CCDC3: variants seen among roughly 807,000 people sequenced by gnomAD.
CCDC3 encodes the protein coiled-coil domain containing 3, also known as coiled-coil domain-containing protein 3.
Under a neutral mutation model 21.4 loss-of-function variants are expected in CCDC3, and 24 were observed. The ratio of observed to expected loss-of-function variants is 1.12; its 90% confidence interval spans 0.81 to 1.58. The LOEUF is 1.58. Among genes scored for constraint, CCDC3 ranks in the 40% most tolerant of loss-of-function variants. The probability of loss-of-function intolerance (pLI) is 0.00; values close to 1 mark genes in which losing one functional copy is unlikely to be tolerated. For synonymous variants in CCDC3, 186 were observed against 166.0 expected (o/e 1.12, Z -0.93); for missense variants, 425 against 360.9 (o/e 1.18, Z -1.44).
At chr10:13,093,773 A>C (rs1232882088) in intron 3 of CCDC3, among the ~76,000 whole-genome samples, 1 of 152,190 alleles carries the variant, frequency 6.6e-6, no homozygotes, top group Non-Finnish European at 1.5e-5. Context: ...TTTGGAAAAA[A>C]AATAAGTGAG....
intron 4 of CCDC3, among the ~76,000 whole-genome samples, chr10:13,059,786 A>G (rs181897212): frequency 1.3e-5 from 2 of 152,116 alleles, no homozygotes; most frequent in Admixed American, 1.3e-4. Flanking sequence ...TAAAATCCCA[A>G]CCTTTAAAAA....
chr10:12,965,007 C>T (rs1283520308), intron 2 of CCDC3, among the ~76,000 whole-genome samples: 1 of 152,222 alleles, frequency 6.6e-6, no homozygotes, highest in Non-Finnish European at 1.5e-5. Flanking sequence ...GCTCAGTTGT[C>T]GTCAGTACCC....
At chr10:13,040,147 GGACGT>G (rs2131417413) in intron 5 of CCDC3, among the ~76,000 whole-genome samples, 2 of 152,192 alleles carry the variant, frequency 1.3e-5, no homozygotes, top group East Asian at 3.9e-4. Context: ...GGCATGAGAG[GGACGT>G]CTCAGAAGCT....
At chr10:12,958,237 C>T (rs1035093227) in intron 2 of CCDC3, among the ~76,000 whole-genome samples, 4 of 152,172 alleles carry the variant, frequency 2.6e-5, no homozygotes, top group African/African-American at 9.7e-5. Context: ...ACCCAACAAC[C>T]CAAGACCATG....
chr10:13,089,670 A>C (rs986646774), intron 3 of CCDC3, among the ~76,000 whole-genome samples: 4 of 150,908 alleles, frequency 2.7e-5, no homozygotes, highest in African/African-American at 9.7e-5. Flanking sequence ...CCATTTTTTT[A>C]AATTTAAATT....
At chr10:13,090,087 C>T (rs1253345264) in intron 3 of CCDC3, among the ~76,000 whole-genome samples, 2 of 117,904 alleles carry the variant, frequency 1.7e-5, no homozygotes, top group Admixed American at 1.7e-4. Context: ...ATCACCGTTT[C>T]TTTCTTTTTT....
intron 5 of CCDC3, among the ~76,000 whole-genome samples, chr10:13,032,993 T>G (rs960642899): frequency 5.3e-5 from 8 of 152,160 alleles, no homozygotes; most frequent in African/African-American, 9.7e-5. Context: ...AAAAACTACT[T>G]TAAAGTTCAT....
intron 2 of CCDC3, among the ~76,000 whole-genome samples, chr10:12,976,921 G>A (rs1467242674): frequency 2.0e-5 from 3 of 152,142 alleles, no homozygotes; most frequent in Non-Finnish European, 4.4e-5. Flanking sequence ...CTAGATTATG[G>A]TATTGACAGA....
At chr10:13,075,252 C>A (rs1444010410) in intron 3 of CCDC3, among the ~76,000 whole-genome samples, 1 of 152,172 alleles carries the variant, frequency 6.6e-6, no homozygotes, top group African/African-American at 2.4e-5. Flanking sequence ...GTTTAACAAG[C>A]AATAAACAAC....
At chr10:12,971,664 A>C (rs1233161077) in intron 2 of CCDC3, among the ~76,000 whole-genome samples, 1 of 151,990 alleles carries the variant, frequency 6.6e-6, no homozygotes, top group Non-Finnish European at 1.5e-5. Context: ...TTCTGGTCCC[A>C]CCAGTGCCCA....
At chr10:13,003,237 A>G (rs572389782), upstream of CCDC3, among the ~76,000 whole-genome samples, 2 of 152,350 alleles carry the variant, frequency 1.3e-5, no homozygotes, top group East Asian at 3.9e-4. Context: ...GTCATTGTTG[A>G]CCATGGGCCA....
intron 5 of CCDC3, among the ~76,000 whole-genome samples, chr10:13,013,363 A>G (rs1175880878): frequency 6.6e-6 from 1 of 152,278 alleles, no homozygotes; most frequent in Non-Finnish European, 1.5e-5. Flanking sequence ...GAACTGGGAA[A>G]TATCTCACAC....
intron 2 of CCDC3, among the ~76,000 whole-genome samples, chr10:12,997,244 A>G (rs1297660363): frequency 0.062 from 90 of 1,462 alleles, 2 homozygotes; most frequent in Admixed American, 0.086. Context: ...CGTTAATGGA[A>G]AAAAAAAAAA....
intron 2 of CCDC3, among the ~76,000 whole-genome samples, chr10:12,980,714 A>T (rs1422587336): frequency 6.6e-6 from 1 of 152,136 alleles, no homozygotes; most frequent in Non-Finnish European, 1.5e-5. Flanking sequence ...CTTTATGGCC[A>T]TAGATCCTAT....
At chr10:12,987,772 C>A (rs1179548764) in intron 2 of CCDC3, among the ~76,000 whole-genome samples, 1 of 152,154 alleles carries the variant, frequency 6.6e-6, no homozygotes, top group Admixed American at 6.5e-5. Context: ...TGACACAGAG[C>A]AAATGTCTTA....
intron 5 of CCDC3, among the ~76,000 whole-genome samples, chr10:13,037,509 C>G (rs996253515): frequency 1.2e-4 from 19 of 152,242 alleles, no homozygotes; most frequent in African/African-American, 4.6e-4. Flanking sequence ...TTATATTTTT[C>G]TCACTAGAAT....
At chr10:13,090,067 A>ACCG (rs1372347475) in intron 3 of CCDC3, among the ~76,000 whole-genome samples, 2 of 47,760 alleles carry the variant, frequency 4.2e-5, no homozygotes, top group Non-Finnish European at 8.6e-5. Flanking sequence ...ATATATATAT[A>ACCG]TATATATATA....
intron 3 of CCDC3, among the ~76,000 whole-genome samples, chr10:13,078,568 T>C (rs1435088007): frequency 6.6e-6 from 1 of 152,210 alleles, no homozygotes. Context: ...CACATATGTT[T>C]ATTGCGGCAC....
chr10:13,026,080 C>T (rs1836211628), intron 5 of CCDC3, among the ~76,000 whole-genome samples: 1 of 152,062 alleles, frequency 6.6e-6, no homozygotes, highest in Non-Finnish European at 1.5e-5. Context: ...ACTCAGGAGG[C>T]TGAGGCACGA....
Sources: gnomAD v4.1 joint callset for allele counts (sites outside exome capture counted in the v4.1 genomes callset) on GRCh38, gnomAD v4.1.1 for gene constraint, MANE v1.5 for transcripts, NCBI Gene and HGNC (gene_info 2026-07-23, HGNC 2026-07-21) for gene names.